The following CELF2 variants were observed in gnomAD, a reference collection of about 807,000 sequenced individuals.
CELF2 encodes the protein CUG triplet repeat RNA-binding protein 2.
Under a neutral mutation model 62.6 loss-of-function variants are expected in CELF2, and 8 were observed. The ratio of observed to expected loss-of-function variants is 0.13; its 90% CI spans 0.07 to 0.23. The LOEUF (loss-of-function observed/expected upper bound fraction) is 0.23, where lower values mean the gene tolerates loss of function less well. Among genes scored for constraint, CELF2 ranks in the 10% least tolerant of loss-of-function variants. CELF2 has a pLI of 1.00. For missense variants in CELF2, 333 were observed against 671.0 expected, an observed-to-expected ratio of 0.50 and a Z score of 5.56; for synonymous variants, 258 against 250.0, an observed-to-expected ratio of 1.03 and a Z score of -0.30.
chr10:10,781,320 A>C, the CELF2 span, among the ~76,000 whole-genome samples: 1 of 152,362 alleles, frequency 6.6e-6, no homozygotes, highest in South Asian at 2.1e-4. Context: ...GTAACATGCT[A>C]TACAGGTTGG....
chr10:11,222,126 G>C (rs113477698), intron 3 of CELF2, among the ~76,000 whole-genome samples: 3 of 127,524 alleles, frequency 2.4e-5, no homozygotes, highest in African/African-American at 8.6e-5. Context: ...GTTGGCCTCT[G>C]TGTTCTTTCC....
At chr10:10,802,033 G>A (rs2054714123) in intron 1 of CELF2, among the ~76,000 whole-genome samples, 1 of 152,148 alleles carries the variant, frequency 6.6e-6, no homozygotes, top group South Asian at 2.1e-4. Flanking sequence ...CAAAAGACAT[G>A]CCAATAATTT....
the CELF2 span, among the ~76,000 whole-genome samples, chr10:10,567,694 C>T: frequency 6.6e-6 from 1 of 152,106 alleles, no homozygotes; most frequent in South Asian, 2.1e-4. Flanking sequence ...TATTAGCAAC[C>T]CCCTACCCTG....
rs1403191413 is a variant in CELF2, at chr10:11,296,884, G to A, written c.976+8332G>A. ...GATACATCAAATGTGGGAAAATGCA[G>A]AAATAGCATTTAATCAGCAAATGGA... On this transcript the variant is annotated intron_variant, in intron 9 of 12. Transcript: ENST00000633077. This position sits in a 1 kb window ranked among gnomAD's most constrained non-coding sequence, Gnocchi z 5.0. 6.6e-6 allele frequency among the ~76,000 whole-genome samples: 1 copy of A among 152,212 alleles called. No individual in the cohort carries two copies. The highest frequency in any genetic ancestry group is 2.4e-5 in the African/African-American group (1 of 41,458).
chr10:10,468,314 T>C, the CELF2 span, among the ~76,000 whole-genome samples: 2 of 152,012 alleles, frequency 1.3e-5, no homozygotes, highest in African/African-American at 4.8e-5. Flanking sequence ...CCATGACCTT[T>C]GCTCTTGAGT....
chr10:11,001,700 T>C (rs2054531507), upstream of CELF2, among the ~76,000 whole-genome samples: 1 of 152,212 alleles, frequency 6.6e-6, no homozygotes, highest in Non-Finnish European at 1.5e-5. Context: ...AAATGTAATT[T>C]ATACAGCAAA....
At chr10:11,080,433 G>T (rs1368734536) in intron 1 of CELF2, among the ~76,000 whole-genome samples, 5 of 152,186 alleles carry the variant, frequency 3.3e-5, no homozygotes, top group Non-Finnish European at 7.3e-5. Context: ...GCTATTACTA[G>T]TTCCTCTATT....
Position 11,302,549 on chromosome 10 carries a change from GC to G in CELF2, c.977-11588del, listed in dbSNP as rs2093865217. 6.6e-6 allele frequency among the ~76,000 whole-genome samples: 1 copy of G among 152,142 alleles called. No individual in the cohort carries two copies. The highest frequency in any genetic ancestry group is 2.1e-4 in the South Asian group (1 of 4,824). ...CCCAGACAAGAACTCTGACCAAATG[GC>G]CTGCAGAGCATCCGCAGCCCAGGGC... is the stretch of plus-strand genomic sequence containing the variant. On this transcript the variant is annotated intron_variant, in intron 9 of 12. Coordinates refer to ENST00000633077, the MANE Select transcript of CELF2 (RefSeq NM_001326342.2). The surrounding 1 kb of genome is among the most constrained non-coding windows in gnomAD (Gnocchi z 5.0).
chr10:10,589,632 C>G, the CELF2 span, among the ~76,000 whole-genome samples: 1 of 152,192 alleles, frequency 6.6e-6, no homozygotes, highest in Non-Finnish European at 1.5e-5. Flanking sequence ...CTTAGTGATT[C>G]ATTTCAGTCC....
At chr10:10,502,597 T>A in the CELF2 span, among the ~76,000 whole-genome samples, 1 of 152,024 alleles carries the variant, frequency 6.6e-6, no homozygotes, top group Non-Finnish European at 1.5e-5. Flanking sequence ...ACTTTTGATA[T>A]CTGCATGGTC....
chr10:10,666,755 G>A, the CELF2 span, among the ~76,000 whole-genome samples: 1 of 121,248 alleles, frequency 8.2e-6, no homozygotes, highest in Non-Finnish European at 1.7e-5. Context: ...CCAGCTACTC[G>A]GGAGGCTGAG....
At chr10:10,743,557 G>A in the CELF2 span, among the ~76,000 whole-genome samples, 1 of 152,206 alleles carries the variant, frequency 6.6e-6, no homozygotes, top group African/African-American at 2.4e-5. Flanking sequence ...CAACTTATGA[G>A]TGCAAGAACA....
At position 11,146,636 on chromosome 10, in the gene CELF2, G is replaced by A. The variant is rs142463034; in HGVS notation, c.75-18850G>A. ...TTCCATCATTCCCCAATGGCCACAC[G>A]CTCATGTGCTCTGTCGGTGATTTGT... On this transcript the variant is annotated intron_variant, in intron 1 of 12. Transcript: ENST00000633077. Among the ~76,000 whole-genome samples the A allele has an allele frequency of 2.1e-3, 319 of 152,292 alleles. 3 individuals carry two copies. The highest frequency in any genetic ancestry group is 7.3e-3 in the African/African-American group (302 of 41,550).
the CELF2 span, among the ~76,000 whole-genome samples, chr10:10,712,594 A>G: frequency 2.6e-5 from 4 of 152,282 alleles, no homozygotes; most frequent in Non-Finnish European, 1.5e-5. Flanking sequence ...TTCACAGCCT[A>G]GACTATTCTA....
rs1201002136 is a variant in CELF2 at position 11,268,938 on chromosome 10, C to G, written c.619-1728C>G. ...TCCACTTGCCTTCACTCTATCCCTG[C>G]CCTGTGTTTCATGGTTTAAAAAATC... is the stretch of plus-strand genomic sequence containing the variant. On this transcript the variant is annotated intron_variant, in intron 6 of 12. Coordinates refer to ENST00000633077, the MANE Select transcript of CELF2 (RefSeq NM_001326342.2). The surrounding 1 kb of genome is among the most constrained non-coding windows in gnomAD (Gnocchi z 4.7). Among the ~76,000 whole-genome samples the G allele has an allele frequency of 2.6e-5, 4 of 152,138 alleles. No individual in the cohort carries two copies. Among genetic ancestry groups the G allele is most frequent in the Non-Finnish European group, 5.9e-5 (4 of 68,020 alleles).
At chr10:11,213,747 T>C (rs896534354) in intron 2 of CELF2, among the ~76,000 whole-genome samples, 6 of 152,226 alleles carry the variant, frequency 3.9e-5, no homozygotes, top group Non-Finnish European at 7.3e-5. Flanking sequence ...TTGCTGTATC[T>C]AAGCTGACTG....
chr10:11,188,940 A>G (rs1327155783), intron 2 of CELF2, among the ~76,000 whole-genome samples: 1 of 152,150 alleles, frequency 6.6e-6, no homozygotes. Context: ...CAGACATTGT[A>G]GTTTTTAATC....
At chr10:11,028,619 C>A (rs1398276662) in intron 1 of CELF2, among the ~76,000 whole-genome samples, 1 of 151,634 alleles carries the variant, frequency 6.6e-6, no homozygotes, top group Non-Finnish European at 1.5e-5. Context: ...TGGGGTTTCA[C>A]CATGTTGGCC....
intron 2 of CELF2, among the ~76,000 whole-genome samples, chr10:10,950,425 A>C (rs918845082): frequency 3.3e-5 from 5 of 152,148 alleles, no homozygotes; most frequent in Non-Finnish European, 7.3e-5. Flanking sequence ...AGACAAAGGA[A>C]ATGTGTGATG....
Sources: allele counts gnomAD v4.1 joint callset (sites outside exome capture counted in the v4.1 genomes callset), GRCh38; gene constraint gnomAD v4.1.1; non-coding constraint Gnocchi (gnomAD v3.1); transcripts MANE v1.5; gene names NCBI Gene and HGNC (gene_info 2026-07-23, HGNC 2026-07-21).